The following EPHA6 variants were observed in gnomAD, a reference collection of about 807,000 sequenced individuals.
EPHA6 encodes the protein ephrin type-A receptor 6.
A neutral mutation model predicts 112.0 loss-of-function variants in EPHA6; 50 were observed. That is an observed-to-expected ratio of 0.45 (90% CI 0.36 to 0.56). The LOEUF is 0.56. Ranked by LOEUF, EPHA6 falls within the 20% of genes least tolerant of loss-of-function variation. The pLI is 0.00. For synonymous variants in EPHA6, 529 were observed against 490.7 expected, an observed-to-expected ratio of 1.08 and a Z score of -1.03; for missense variants, 1,280 against 1,417.4, an observed-to-expected ratio of 0.90 and a Z score of 1.56.
At chr3:97,651,193 G>A (rs777989127) in intron 14 of EPHA6, among the ~76,000 whole-genome samples, 17 of 152,046 alleles carry the variant, frequency 1.1e-4, no homozygotes, top group Non-Finnish European at 2.1e-4. Context: ...ATTGTCTTTA[G>A]TACAATTACA....
chr3:97,680,163 A>G (rs546814999), intron 14 of EPHA6, among the ~76,000 whole-genome samples: 19 of 152,176 alleles, frequency 1.2e-4, no homozygotes, highest in Non-Finnish European at 2.1e-4. Context: ...AAACAACTCA[A>G]ATACAAACGT....
chr3:96,892,070 A>G (rs146330605), intron 2 of EPHA6, among the ~76,000 whole-genome samples: 1 of 152,292 alleles, frequency 6.6e-6, no homozygotes, highest in East Asian at 1.9e-4. Context: ...CATTTTCTTT[A>G]AAAGCTTGGT....
Position 97,462,500 on chromosome 3 carries a change from C to CAT in EPHA6, c.1895-12850_1895-12849dup, listed in dbSNP as rs1447667455. Among the ~76,000 whole-genome samples, 3 of 152,124 alleles carry CAT rather than the reference C, an allele frequency of 2.0e-5. No individual in the cohort carries two copies. In the East Asian group the frequency reaches 5.8e-4, roughly 29 times the overall value. On this transcript the variant is annotated intron_variant, in intron 7 of 17. Transcript: ENST00000389672. Reference sequence around the variant, plus strand: ...AATGGAAATGAGAAGACTTATGTATCATAGCCACCTACTCCACTACAAATT... The same window carrying CAT: ...AATGGAAATGAGAAGACTTATGTATCATATAGCCACCTACTCCACTACAAATT...
At chr3:97,518,794 A>G (rs1333300255) in intron 10 of EPHA6, among the ~76,000 whole-genome samples, 4 of 151,954 alleles carry the variant, frequency 2.6e-5, no homozygotes, top group Admixed American at 1.3e-4. Flanking sequence ...TGCAAAATGT[A>G]TATGCATATC....
intron 12 of EPHA6, among the ~76,000 whole-genome samples, chr3:97,602,791 A>G (rs2093653081): frequency 6.6e-6 from 1 of 152,090 alleles, no homozygotes; most frequent in South Asian, 2.1e-4. Flanking sequence ...TAAATTATAC[A>G]AACAGATTTT....
chr3:96,928,383 G>A (rs960883137), intron 2 of EPHA6, among the ~76,000 whole-genome samples: 3 of 152,080 alleles, frequency 2.0e-5, no homozygotes, highest in South Asian at 2.1e-4. Flanking sequence ...TTATTTACGC[G>A]AAAGTCATTC....
chr3:97,716,574 C>CAAA lies in EPHA6; in HGVS notation c.2785-3665_2785-3663dup, dbSNP rs1218426459. Among the ~76,000 whole-genome samples the CAAA allele has an allele frequency of 1.0e-2, 372 of 37,258 alleles. 42 individuals carry two copies. Among genetic ancestry groups the CAAA allele is most frequent in the African/African-American group, 0.06 (353 of 5,860 alleles). The allele number at this position is 37,258 out of a possible 152,430, so 24.4% of individuals were successfully genotyped here. A position where few individuals can be genotyped will look rare whatever the true frequency, so the allele number is the denominator to read the frequency against. The stretch of plus-strand genomic sequence containing the variant: ...CGGGCGACAGAGCGAGACTCCGTCT[C>CAAA]AAAAAAAAAAAAAAAAAAAAAAAAG... On this transcript the variant is annotated intron_variant, in intron 14 of 17. Coordinates refer to ENST00000389672, the MANE Select transcript of EPHA6 (RefSeq NM_001080448.3).
At chr3:97,729,103 T>A (rs1205797759) in intron 15 of EPHA6, among the ~76,000 whole-genome samples, 1 of 152,026 alleles carries the variant, frequency 6.6e-6, no homozygotes, top group African/African-American at 2.4e-5. Context: ...AAAAAGAAAA[T>A]CTTAGGCTAA....
intron 7 of EPHA6, 33 bp from the exon 8 acceptor site, chr3:97,475,319 C>A (rs1270278570): frequency 6.7e-7 from 1 of 1,487,220 alleles, no homozygotes; most frequent in Non-Finnish European, 9.3e-7. Context: ...AAATGTCACC[C>A]AGGGAAATTT....
In EPHA6 at chr3:96,994,709, G is replaced by GTATATATATATATA. The variant is rs66581386; in HGVS notation, c.1114+6727_1114+6740dup. On this transcript the variant is annotated intron_variant, in intron 3 of 17. Coordinates refer to ENST00000389672, the MANE Select transcript of EPHA6 (RefSeq NM_001080448.3). ...TGTGTGTGTATGTGTGTGTGTGTGTGTATATATATATATATATATATATAG... is the reference window on the plus strand; with the variant it reads ...TGTGTGTGTATGTGTGTGTGTGTGTGTATATATATATATATATATATATATATATATATATATAG... Among the ~76,000 whole-genome samples, 28 of 98,422 alleles carry GTATATATATATATA rather than the reference G, an allele frequency of 2.8e-4. 1 individual carries two copies. Among genetic ancestry groups the GTATATATATATATA allele is most frequent in the African/African-American group, 8.1e-4 (15 of 18,608 alleles). 64.6% of individuals were successfully genotyped at this position (98,422 alleles called of 152,430 possible).
rs1451791181 is a variant in EPHA6, at chr3:97,717,094, G to T, written c.2785-3167G>T. On this transcript the variant is annotated intron_variant, in intron 14 of 17. Coordinates refer to ENST00000389672, the MANE Select transcript of EPHA6 (RefSeq NM_001080448.3). Reference sequence around the variant, plus strand: ...AAATACAAAAAAATTAGCTGGGCGTGGTGGCAGGTGACTGTAATCCCAGCT... The same window carrying T: ...AAATACAAAAAAATTAGCTGGGCGTTGTGGCAGGTGACTGTAATCCCAGCT... 2.6e-5 allele frequency among the ~76,000 whole-genome samples: 4 copies of T among 151,888 alleles called. No homozygotes were observed. In the East Asian group the frequency reaches 7.7e-4, roughly 29 times the overall value.
chr3:97,755,337 A>G lies in EPHA6; in HGVS notation c.*6636A>G, dbSNP rs928030768. On this transcript the variant is annotated 3_prime_UTR_variant, in exon 18 of 18. Coordinates refer to ENST00000389672, the MANE Select transcript of EPHA6 (RefSeq NM_001080448.3). ...ACTAGAAAAGTATCAGAATTAGTGA[A>G]AATCTTCCCTTAAGTAAAACTGTTC... 6.6e-6 allele frequency among the ~76,000 whole-genome samples: 1 copy of G among 152,204 alleles called. No homozygotes were observed. The highest frequency in any genetic ancestry group is 1.5e-5 in the Non-Finnish European group (1 of 68,008).
chr3:97,228,723 GTAGA>G (rs1193700916), intron 4 of EPHA6, among the ~76,000 whole-genome samples: 6 of 152,174 alleles, frequency 3.9e-5, no homozygotes, highest in Admixed American at 3.9e-4. Context: ...TTTCCTCTGG[GTAGA>G]TAGATACCTA....
intron 16 of EPHA6, among the ~76,000 whole-genome samples, chr3:97,737,284 T>C (rs566846390): frequency 2.0e-5 from 3 of 152,140 alleles, no homozygotes; most frequent in Admixed American, 6.6e-5. Flanking sequence ...AAGATCACTC[T>C]AGGGATGATT....
intron 3 of EPHA6, among the ~76,000 whole-genome samples, chr3:97,113,523 G>A (rs2047786583): frequency 6.6e-6 from 1 of 152,066 alleles, no homozygotes; most frequent in African/African-American, 2.4e-5. Flanking sequence ...CCCCACTTTG[G>A]TCAAGGGCAA....
chr3:97,743,829 C>T (rs936466534), intron 16 of EPHA6, among the ~76,000 whole-genome samples: 3 of 151,904 alleles, frequency 2.0e-5, no homozygotes, highest in Non-Finnish European at 2.9e-5. Flanking sequence ...ATGTCTATTA[C>T]TATTATATAT....
At chr3:96,885,271 A>C (rs1027538155) in intron 2 of EPHA6, among the ~76,000 whole-genome samples, 1 of 152,084 alleles carries the variant, frequency 6.6e-6, no homozygotes, top group African/African-American at 2.4e-5. Context: ...TTCTTTCTCT[A>C]TCTTGTCAAA....
At chr3:97,637,354 A>AT (rs2093955835) in intron 13 of EPHA6, among the ~76,000 whole-genome samples, 1 of 151,818 alleles carries the variant, frequency 6.6e-6, no homozygotes, top group Non-Finnish European at 1.5e-5. Flanking sequence ...CTGCTTTCCT[A>AT]TACTTGTTTC....
intron 5 of EPHA6, among the ~76,000 whole-genome samples, chr3:97,317,629 GT>G: frequency 6.6e-6 from 1 of 151,158 alleles, no homozygotes; most frequent in Non-Finnish European, 1.5e-5. Flanking sequence ...TATGCATGGA[GT>G]TTTTTTTTAA....
Sources: gnomAD v4.1 joint callset for allele counts (sites outside exome capture counted in the v4.1 genomes callset) on GRCh38, gnomAD v4.1.1 for gene constraint, MANE v1.5 for transcripts, NCBI Gene and HGNC (gene_info 2026-07-23, HGNC 2026-07-21) for gene names.